The following SGCD variants were observed in gnomAD, a reference collection of about 807,000 sequenced individuals.
SGCD encodes the protein sarcoglycan delta.
SGCD carries 18 observed loss-of-function variants against 36.6 expected under a neutral mutation model. That is an observed-to-expected ratio of 0.49 (90% CI 0.34 to 0.73). SGCD has a LOEUF of 0.73. SGCD is among the 30% of genes least tolerant of loss of function. The pLI is 0.01. For missense variants in SGCD, 387 were observed against 346.7 expected (o/e 1.12, Z -0.92); for synonymous variants, 133 against 130.6 (o/e 1.02, Z -0.12).
intron 1 of SGCD, among the ~76,000 whole-genome samples, chr5:156,027,255 T>G (rs1198701211): frequency 3.9e-5 from 6 of 152,188 alleles, no homozygotes; most frequent in Non-Finnish European, 7.4e-5. Flanking sequence ...TATTATCTAT[T>G]TTAGGTGTTT....
Position 156,217,190 on chromosome 5 carries a change from CTCTT to C in SGCD, c.-44+93173_-44+93176del, listed in dbSNP as rs1764599165. Reference sequence around the variant, plus strand: ...ACGTGATTGACAACAGGGTACGTGACTCTTTAAACATTGACCTCACTGAAAGTGA... The same window carrying C: ...ACGTGATTGACAACAGGGTACGTGACTAAACATTGACCTCACTGAAAGTGA... On this transcript the variant is annotated intron_variant, in intron 3 of 9. Coordinates refer to the SGCD transcript ENST00000517913. Among the ~76,000 whole-genome samples, 4 of 152,296 alleles carry C rather than the reference CTCTT, an allele frequency of 2.6e-5. No individual in the cohort carries two copies. The South Asian group carries it at 8.3e-4, about 32-fold the overall frequency.
chr5:156,402,305 G>A (rs1772198206), intron 3 of SGCD, among the ~76,000 whole-genome samples: 1 of 152,174 alleles, frequency 6.6e-6, no homozygotes, highest in Admixed American at 6.5e-5. Context: ...TTGACAGTGA[G>A]TATGAGACCT....
At chr5:155,881,777 A>G (rs1755893050) in intron 1 of SGCD, among the ~76,000 whole-genome samples, 1 of 152,200 alleles carries the variant, frequency 6.6e-6, no homozygotes, top group African/African-American at 2.4e-5. Context: ...AAGTTTATAG[A>G]ATTTTCTAAA....
chr5:155,760,298 C>CACT, the SGCD span, among the ~76,000 whole-genome samples: 1 of 112,000 alleles, frequency 8.9e-6, no homozygotes, highest in East Asian at 2.9e-4. Flanking sequence ...TATTCATCAT[C>CACT]CTCTCCATCA....
intron 4 of SGCD, among the ~76,000 whole-genome samples, chr5:156,568,480 G>A (rs772869253): frequency 7.2e-5 from 11 of 152,154 alleles, no homozygotes; most frequent in East Asian, 1.9e-4. Context: ...GAATGTAACC[G>A]ACGGCCATAA....
At chr5:155,884,519 A>G (rs1180364527) in intron 1 of SGCD, among the ~76,000 whole-genome samples, 2 of 152,334 alleles carry the variant, frequency 1.3e-5, no homozygotes, top group Admixed American at 6.5e-5. Context: ...CTGTAATTGT[A>G]CCATATATGC....
chr5:156,041,813 G>T (rs1273834118), intron 1 of SGCD, among the ~76,000 whole-genome samples: 1 of 152,154 alleles, frequency 6.6e-6, no homozygotes, highest in African/African-American at 2.4e-5. Flanking sequence ...CTGTGAAGAG[G>T]TTCCAGAAAG....
the SGCD span, among the ~76,000 whole-genome samples, chr5:155,827,715 G>A: frequency 3.1e-3 from 240 of 77,580 alleles, 8 homozygotes; most frequent in Admixed American, 0.046. Flanking sequence ...TTTCACTCTT[G>A]TTGCCCAGGC....
chr5:156,378,927 A>G (rs1236837528), intron 3 of SGCD, among the ~76,000 whole-genome samples: 3 of 152,192 alleles, frequency 2.0e-5, no homozygotes, highest in Non-Finnish European at 4.4e-5. Context: ...ACCATCCCAG[A>G]TACTGCCTTT....
chr5:155,888,244 A>G (rs904866932), intron 1 of SGCD, among the ~76,000 whole-genome samples: 6 of 152,034 alleles, frequency 3.9e-5, no homozygotes, highest in African/African-American at 1.4e-4. Context: ...TCCCTTCTCA[A>G]AGTTATTTCT....
rs879446344 is a variant in SGCD at position 156,640,107 on chromosome 5, T to C, written c.503-7357T>C. On this transcript the variant is annotated intron_variant, in intron 6 of 8. Coordinates refer to ENST00000337851, the MANE Select transcript of SGCD (RefSeq NM_000337.6). ...TCCATCAGCTTCTTGTACTACTTCA[T>C]AGCATTTACAACAGTTTCTCAGTCC... 4.7e-4 allele frequency among the ~76,000 whole-genome samples: 71 copies of C among 152,130 alleles called. 1 individual carries two copies. The highest frequency in any genetic ancestry group is 1.5e-4 in the Non-Finnish European group (10 of 68,018).
At chr5:155,934,321 A>T (rs1189172208) in intron 1 of SGCD, among the ~76,000 whole-genome samples, 1 of 152,240 alleles carries the variant, frequency 6.6e-6, no homozygotes, top group Non-Finnish European at 1.5e-5. Context: ...GGCCTGACTT[A>T]GTTGGCATCT....
intron 4 of SGCD, among the ~76,000 whole-genome samples, chr5:156,523,948 C>A (rs1193169469): frequency 6.7e-6 from 1 of 150,228 alleles, no homozygotes; most frequent in South Asian, 2.1e-4. Flanking sequence ...AAGTAGAACA[C>A]CATATATTAG....
intron 3 of SGCD, among the ~76,000 whole-genome samples, chr5:156,230,429 G>A (rs181959138): frequency 1.3e-5 from 2 of 152,270 alleles, no homozygotes; most frequent in East Asian, 3.9e-4. Context: ...TGCGAGCTGA[G>A]CTGTAGTGAT....
intron 7 of SGCD, among the ~76,000 whole-genome samples, chr5:156,673,015 G>A (rs1012441103): frequency 2.6e-5 from 4 of 151,752 alleles, no homozygotes; most frequent in Non-Finnish European, 5.9e-5. Flanking sequence ...ACACACATAC[G>A]CAGTGCCCTA....
At position 156,209,020 on chromosome 5, in the gene SGCD, G is replaced by A. The variant is rs943714629; in HGVS notation, c.-44+85001G>A. ...CTGGAGAGAGATACCCTCCTCTTGG[G>A]GCGAGTAGAGGGAAGTGAGCACCAG... On this transcript the variant is annotated intron_variant, in intron 3 of 9. Coordinates refer to the SGCD transcript ENST00000517913. Among the ~76,000 whole-genome samples the A allele has an allele frequency of 2.6e-5, 4 of 152,212 alleles. No homozygotes were observed. The East Asian group carries it at 7.7e-4, about 29-fold the overall frequency.
intron 3 of SGCD, among the ~76,000 whole-genome samples, chr5:156,147,385 A>G (rs150374800): frequency 2.0e-5 from 3 of 152,334 alleles, no homozygotes; most frequent in Non-Finnish European, 4.4e-5. Flanking sequence ...CATAACTGTC[A>G]TATCTAAAAG....
At chr5:156,633,903 C>A (rs1164341311) in intron 6 of SGCD, among the ~76,000 whole-genome samples, 1 of 152,180 alleles carries the variant, frequency 6.6e-6, no homozygotes, top group Non-Finnish European at 1.5e-5. Context: ...TACTTCCACA[C>A]CACAGAGAGG....
At chr5:155,942,863 T>C (rs758249211) in intron 1 of SGCD, among the ~76,000 whole-genome samples, 7 of 152,210 alleles carry the variant, frequency 4.6e-5, no homozygotes, top group Non-Finnish European at 5.9e-5. Context: ...GCAAGGATTT[T>C]AAAACAGGTG....
Sources: gnomAD v4.1 joint callset for allele counts (sites outside exome capture counted in the v4.1 genomes callset) on GRCh38, gnomAD v4.1.1 for gene constraint, MANE v1.5 for transcripts, NCBI Gene and HGNC (gene_info 2026-07-23, HGNC 2026-07-21) for gene names.